The following CACNG4 variants were observed in gnomAD, a reference collection of about 807,000 sequenced individuals.
CACNG4 encodes calcium voltage-gated channel auxiliary subunit gamma 4.
A neutral mutation model predicts 22.9 loss-of-function variants in CACNG4; 8 were observed. The observed-to-expected ratio is 0.35, with a 90% CI of 0.21 to 0.63. The LOEUF is 0.63. CACNG4 is among the 30% of genes least tolerant of loss of function. CACNG4 has a pLI of 0.72. For synonymous variants in CACNG4, 188 were observed against 191.9 expected, an observed-to-expected ratio of 0.98 and a Z score of 0.17; for missense variants, 357 against 455.4, an observed-to-expected ratio of 0.78 and a Z score of 1.97.
chr17:66,990,307 TCAC>T (rs1212482325), intron 1 of CACNG4, among the ~76,000 whole-genome samples: 1 of 152,236 alleles, frequency 6.6e-6, no homozygotes, highest in Non-Finnish European at 1.5e-5. Flanking sequence ...CCTTGGCAGT[TCAC>T]TGCATGGCTA....
At position 67,022,816 on chromosome 17, in the gene CACNG4, C is replaced by T. The variant is rs1007693957; in HGVS notation, c.305-2044C>T. Among the ~76,000 whole-genome samples the T allele has an allele frequency of 3.3e-5, 5 of 152,332 alleles. No homozygotes were observed. In the East Asian group the frequency reaches 9.6e-4, roughly 29 times the overall value. On this transcript the variant is annotated intron_variant, in intron 2 of 3. Transcript: ENST00000262138. Reference sequence around the variant, plus strand: ...GCTTTCCTTTCCCAAGCCTTGCTTCCCTCCCTCTCGCCTTCCTCCCAGCCC... The same window carrying T: ...GCTTTCCTTTCCCAAGCCTTGCTTCTCTCCCTCTCGCCTTCCTCCCAGCCC...
At chr17:67,015,246 G>T (rs980285296) in intron 1 of CACNG4, among the ~76,000 whole-genome samples, 4 of 152,208 alleles carry the variant, frequency 2.6e-5, no homozygotes, top group African/African-American at 9.7e-5. Context: ...TCCTTAGGGG[G>T]TTAGGCTGAG....
At chr17:66,998,717 AT>A (rs1471931520) in intron 1 of CACNG4, among the ~76,000 whole-genome samples, 1 of 152,150 alleles carries the variant, frequency 6.6e-6, no homozygotes, top group African/African-American at 2.4e-5. Flanking sequence ...GGGGCTGCCC[AT>A]TCATGCCCTG....
chr17:66,982,044 C>T (rs980062508), intron 1 of CACNG4, among the ~76,000 whole-genome samples: 5 of 152,092 alleles, frequency 3.3e-5, no homozygotes, highest in African/African-American at 7.2e-5. Flanking sequence ...TTTATGGGCT[C>T]GCTGACCTCA....
Position 67,031,299 on chromosome 17 carries a change from G to A in CACNG4, c.*295G>A. 1 of 603,250 alleles carries A rather than the reference G, an allele frequency of 1.7e-6. No homozygotes were observed. The highest frequency in any genetic ancestry group is 3.7e-5 in the East Asian group (1 of 27,214). The allele number at this position is 603,250 out of a possible 1,614,324, so 37.4% of individuals were successfully genotyped here. A position where few individuals can be genotyped will look rare whatever the true frequency, so the allele number is the denominator to read the frequency against. ...CCCAGAGCTTTCCTGAGGCTGCCTG[G>A]CCTTGATCAACTTGGGAAGACAAAA... On this transcript the variant is annotated 3_prime_UTR_variant, in exon 4 of 4. Transcript: ENST00000262138. The surrounding 1 kb of genome is among the most constrained non-coding windows in gnomAD (Gnocchi z 4.0).
intron 1 of CACNG4, among the ~76,000 whole-genome samples, chr17:66,991,094 C>A (rs559147243): frequency 1.3e-5 from 2 of 152,036 alleles, no homozygotes; most frequent in Non-Finnish European, 2.9e-5. Flanking sequence ...CGGTGAATGG[C>A]GCTCCCTCCC....
In CACNG4 at chr17:66,964,855, A is replaced by G. The variant is rs1393529892; in HGVS notation, c.-57A>G. 4 of 1,053,012 alleles carry G rather than the reference A, an allele frequency of 3.8e-6. No individual in the cohort carries two copies. Among genetic ancestry groups the G allele is most frequent in the Non-Finnish European group, 4.7e-6 (4 of 849,496 alleles). The allele number at this position is 1,053,012 out of a possible 1,614,324, so 65.2% of individuals were successfully genotyped here. A position where few individuals can be genotyped will look rare whatever the true frequency, so the allele number is the denominator to read the frequency against. ...CCCCGGAGCGGCGCGCGGAGGGAGG[A>G]GGGCGGGCGGGCGCGGCGGGCCGGG... is the stretch of plus-strand genomic sequence containing the variant. On this transcript the variant is annotated 5_prime_UTR_variant, in exon 1 of 4. Transcript: ENST00000262138.
At chr17:66,974,025 C>T (rs998869625) in intron 1 of CACNG4, among the ~76,000 whole-genome samples, 2 of 152,118 alleles carry the variant, frequency 1.3e-5, no homozygotes, top group East Asian at 1.9e-4. Flanking sequence ...AATGACATCC[C>T]GTGATTTTAC....
intron 1 of CACNG4, 81 bp downstream of exon 1, chr17:66,965,212 G>GCACA (rs1185783075): frequency 8.4e-5 from 54 of 639,748 alleles, no homozygotes; most frequent in East Asian, 6.7e-4. Flanking sequence ...GCGCGCGCGC[G>GCACA]CACACACACA....
chr17:66,996,846 G>T (rs1301118021), intron 1 of CACNG4, among the ~76,000 whole-genome samples: 1 of 152,202 alleles, frequency 6.6e-6, no homozygotes, highest in Non-Finnish European at 1.5e-5. Context: ...TTACGAGAAT[G>T]CAAAAGAGAA....
intron 1 of CACNG4, among the ~76,000 whole-genome samples, chr17:66,982,201 T>C (rs2035280467): frequency 6.6e-6 from 1 of 152,240 alleles, no homozygotes; most frequent in South Asian, 2.1e-4. Context: ...TTGCCGCTGC[T>C]GGCTAGGGTG....
chr17:67,008,502 C>T (rs925549049), intron 1 of CACNG4, among the ~76,000 whole-genome samples: 1 of 152,122 alleles, frequency 6.6e-6, no homozygotes, highest in Non-Finnish European at 1.5e-5. Flanking sequence ...CAAGGAGCCT[C>T]GAGTTTGTCA....
At chr17:66,967,795 C>T (rs1375365164) in intron 1 of CACNG4, among the ~76,000 whole-genome samples, 1 of 152,194 alleles carries the variant, frequency 6.6e-6, no homozygotes, top group Non-Finnish European at 1.5e-5. Context: ...AACTGGCAAA[C>T]AACAGATTCA....
intron 1 of CACNG4, among the ~76,000 whole-genome samples, chr17:66,992,155 G>C (rs975096138): frequency 2.2e-5 from 2 of 92,022 alleles, no homozygotes; most frequent in East Asian, 3.0e-4. Flanking sequence ...GCTCCGCCAA[G>C]CTCCTGGGGG....
intron 1 of CACNG4, among the ~76,000 whole-genome samples, chr17:66,991,967 C>T (rs1746570361): frequency 6.6e-6 from 1 of 152,170 alleles, no homozygotes; most frequent in African/African-American, 2.4e-5. Context: ...ATGCGAGCTG[C>T]CTGCCCACCC....
intron 1 of CACNG4, among the ~76,000 whole-genome samples, chr17:66,980,705 C>G (rs1462478465): frequency 2.0e-5 from 3 of 148,080 alleles, no homozygotes; most frequent in Non-Finnish European, 3.0e-5. Context: ...TCCCTGCAAC[C>G]TTCACTGGGT....
At chr17:66,995,022 TAAC>T (rs1282827138) in intron 1 of CACNG4, among the ~76,000 whole-genome samples, 1 of 152,182 alleles carries the variant, frequency 6.6e-6, no homozygotes, top group Non-Finnish European at 1.5e-5. Flanking sequence ...TCTTTTTCTT[TAAC>T]AAGTTTCCCC....
Position 66,964,929 on chromosome 17 carries a change from C to T in CACNG4, c.18C>T (p.Arg6=), listed in dbSNP as rs747257153. Residue 6 remains arginine, a synonymous_variant, in exon 1 of 4, where the codon CGC becomes CGT. Coordinates refer to ENST00000262138, the MANE Select transcript of CACNG4 (RefSeq NM_014405.4). ...CGCCCACCATGGTGCGATGCGACCG[C>T]GGGCTGCAGATGCTGCTGACCACGG... MVRCD[R]GLQMLLTTAG... is the part of the protein sequence containing the mutation. The T allele has an allele frequency of 7.6e-6, 12 of 1,580,762 alleles. No individual in the cohort carries two copies. The African/African-American group carries it at 1.4e-4, about 18-fold the overall frequency.
In CACNG4 at chr17:67,026,227, A is replaced by G. The variant is rs529130745; in HGVS notation, c.445+1227A>G. Among the ~76,000 whole-genome samples, 189 of 125,312 alleles carry G rather than the reference A, an allele frequency of 1.5e-3. 2 individuals are homozygous for G. Among genetic ancestry groups the G allele is most frequent in the African/African-American group, 5.7e-3 (182 of 31,700 alleles). 82.2% of individuals were successfully genotyped at this position (125,312 alleles called of 152,430 possible). The stretch of plus-strand genomic sequence containing the variant: ...GACTGTGGTGTGTTTGTGTGTGTGA[A>G]GAGTGTGGTGTGTATATTTGGGGAC... On this transcript the variant is annotated intron_variant, in intron 3 of 3. Coordinates refer to ENST00000262138, the MANE Select transcript of CACNG4 (RefSeq NM_014405.4).
Sources: allele counts gnomAD v4.1 joint callset (sites outside exome capture counted in the v4.1 genomes callset), GRCh38; gene constraint gnomAD v4.1.1; non-coding constraint Gnocchi (gnomAD v3.1); transcripts MANE v1.5; gene names NCBI Gene and HGNC (gene_info 2026-07-23, HGNC 2026-07-21).